Variants in FXR2 observed in about 807,000 individuals in gnomAD.
The protein encoded by FXR2 is RNA-binding protein FXR2.
Under a neutral mutation model 87.3 loss-of-function variants are expected in FXR2, and 9 were observed. The ratio of observed to expected loss-of-function variants is 0.10; its 90% CI spans 0.06 to 0.18. FXR2 has a LOEUF of 0.18. Among genes scored for constraint, FXR2 ranks in the 10% least tolerant of loss-of-function variants. The pLI, the probability that FXR2 is intolerant of heterozygous loss-of-function variation, is 1.00. For missense variants in FXR2, 661 were observed against 893.6 expected, an observed-to-expected ratio of 0.74 and a Z score of 3.32; for synonymous variants, 331 against 328.3, an observed-to-expected ratio of 1.01 and a Z score of -0.09.
chr17:7,614,167 T>C, intron 1 of FXR2: 1 of 644,658 alleles, frequency 1.6e-6, no homozygotes, highest in Admixed American at 2.1e-5. Context: ...TAAAGGGGTC[T>C]CTCCTGCGGA....
intron 7 of FXR2, among the ~76,000 whole-genome samples, chr17:7,597,429 T>G: frequency 6.6e-6 from 1 of 151,906 alleles, no homozygotes; most frequent in African/African-American, 2.4e-5. Flanking sequence ...GGGGAAGAGA[T>G]CTACAATGAC....
At chr17:7,610,921 T>C (rs1177029516) in intron 1 of FXR2, among the ~76,000 whole-genome samples, 4 of 152,094 alleles carry the variant, frequency 2.6e-5, no homozygotes, top group Non-Finnish European at 5.9e-5. Flanking sequence ...TTAGAAGATA[T>C]AAAATTGGTC....
In FXR2 at chr17:7,605,677, T is replaced by C; in HGVS notation, c.196A>G (p.Asn66Asp). 1.3e-6 allele frequency: 2 copies of C among 1,590,896 alleles called. No individual in the cohort carries two copies. The highest frequency in any genetic ancestry group is 2.2e-5 in the South Asian group (2 of 89,968). Reference sequence around the variant, plus strand: ...TCATCCCCTTCTGTGATCTCCTTATTATAGTCAGCTGGAGGTGGTAGCCGG... The same window carrying C: ...TCATCCCCTTCTGTGATCTCCTTATCATAGTCAGCTGGAGGTGGTAGCCGG... ...DVRLPPPADY[N>D]KEITEGDEVE... Residue 66 changes from asparagine to aspartate, a missense_variant, in exon 3 of 17, where the codon AAT becomes GAT. By Grantham distance (23) the Asn-to-Asp change is conservative. Around this residue, in one of 3 missense-constraint regions of FXR2, gnomAD observed 170 missense variants for 247.2 expected, o/e 0.69. Coordinates refer to ENST00000250113, the MANE Select transcript of FXR2 (RefSeq NM_004860.4).
Position 7,592,926 on chromosome 17 carries a change from G to A in FXR2, c.1529-32C>T. ...AGAGGAAGAAGAGGAGGAGTTGGCA[G>A]TCAGGTGCCCATCATCTTTCCTTTT... On this transcript the variant is annotated intron_variant, in intron 13 of 16. Transcript: ENST00000250113. This position sits in a 1 kb window ranked among gnomAD's most constrained non-coding sequence, Gnocchi z 4.8. 6.5e-7 allele frequency: 1 copy of A among 1,547,250 alleles called. No individual in the cohort carries two copies. The highest frequency in any genetic ancestry group is 8.7e-7 in the Non-Finnish European group (1 of 1,145,240).
At chr17:7,601,828 G>T (rs1239086473) in intron 6 of FXR2, among the ~76,000 whole-genome samples, 1 of 151,962 alleles carries the variant, frequency 6.6e-6, no homozygotes, top group Non-Finnish European at 1.5e-5. Flanking sequence ...TCCAGAGGCT[G>T]AGGCAGGAGA....
intron 7 of FXR2, among the ~76,000 whole-genome samples, chr17:7,598,414 CAAT>C (rs2071725542): frequency 6.6e-6 from 1 of 152,184 alleles, no homozygotes; most frequent in African/African-American, 2.4e-5. Flanking sequence ...GAGATCACGC[CAAT>C]GCACTCCAGC....
At chr17:7,600,770 G>C (rs1212209305) in intron 7 of FXR2, among the ~76,000 whole-genome samples, 2 of 152,190 alleles carry the variant, frequency 1.3e-5, no homozygotes, top group Admixed American at 1.3e-4. Context: ...TGTAGTCCCA[G>C]CTACTCAGGA....
At chr17:7,605,771 T>C in intron 2 of FXR2, 33 bp from the exon 3 acceptor site, 2 of 1,186,112 alleles carry the variant, frequency 1.7e-6, no homozygotes, top group Non-Finnish European at 2.5e-6. Flanking sequence ...AAAAAGCTAC[T>C]CTGACTGATA....
chr17:7,594,797 G>C lies in FXR2; in HGVS notation c.832-40C>G, dbSNP rs776541476. 3 of 1,250,202 alleles carry C rather than the reference G, an allele frequency of 2.4e-6. No homozygotes were observed. In the South Asian group the frequency reaches 3.6e-5, roughly 15 times the overall value. The allele number at this position is 1,250,202 out of a possible 1,614,324, so 77.4% of individuals were successfully genotyped here. ...GCAGGGAGTTGTTACTAAAACAGAA[G>C]ACCAGCTGGATGTGGTGGCTCACGC... On this transcript the variant is annotated intron_variant, in intron 8 of 16. Transcript: ENST00000250113. This position sits in a 1 kb window ranked among gnomAD's most constrained non-coding sequence, Gnocchi z 5.1.
Position 7,601,505 on chromosome 17 carries a change from C to T in FXR2, c.564G>A (p.Val188=). Residue 188 remains valine, a synonymous_variant, in exon 7 of 17, where the codon GTG becomes GTA. Coordinates refer to ENST00000250113, the MANE Select transcript of FXR2 (RefSeq NM_004860.4). ...TATCACCCAGCAGAGATGCTCGCTTCACAGGGGCTTCTGTGGTTGACTGGG... is the reference window on the plus strand; with the variant it reads ...TATCACCCAGCAGAGATGCTCGCTTTACAGGGGCTTCTGTGGTTGACTGGG... ...LFILSTTEAP[V]KRASLLGDMH... is the part of the protein sequence containing the mutation. 1 of 1,611,064 alleles carries T rather than the reference C, an allele frequency of 6.2e-7. No homozygotes were observed. The highest frequency in any genetic ancestry group is 8.5e-7 in the Non-Finnish European group (1 of 1,177,528).
In FXR2 at chr17:7,614,586, T is replaced by C. The variant is rs2071926090; in HGVS notation, c.-54A>G. The C allele has an allele frequency of 5.0e-6, 6 of 1,205,502 alleles. No individual in the cohort carries two copies. The highest frequency in any genetic ancestry group is 6.5e-6 in the Non-Finnish European group (6 of 918,268). The allele number at this position is 1,205,502 out of a possible 1,614,324, so 74.7% of individuals were successfully genotyped here. A position where few individuals can be genotyped will look rare whatever the true frequency, so the allele number is the denominator to read the frequency against. On this transcript the variant is annotated 5_prime_UTR_variant, in exon 1 of 17. Coordinates refer to ENST00000250113, the MANE Select transcript of FXR2 (RefSeq NM_004860.4). ...GCGGCGGCTGCAGCAGCAGTCTGAG[T>C]GCGGGCCGGGCCAGGCCCCCGGCGT...
In FXR2 at chr17:7,613,977, C is replaced by G. The variant is rs143393141; in HGVS notation, c.81+475G>C. The G allele has an allele frequency of 1.4e-3, 615 of 452,132 alleles. 4 individuals carry two copies. The highest frequency in any genetic ancestry group is 0.01 in the African/African-American group (505 of 50,064). The allele number at this position is 452,132 out of a possible 1,614,324, so 28.0% of individuals were successfully genotyped here. A position where few individuals can be genotyped will look rare whatever the true frequency, so the allele number is the denominator to read the frequency against. ...TGAAAGTGGGGTGAGTGTTCCAGAG[C>G]CAGTAGGCAGAGGCCTCTCTGAGGA... On this transcript the variant is annotated intron_variant, in intron 1 of 16. Transcript: ENST00000250113.
intron 1 of FXR2, among the ~76,000 whole-genome samples, chr17:7,608,616 C>T (rs76433669): frequency 1.5e-5 from 2 of 134,166 alleles, no homozygotes; most frequent in African/African-American, 5.8e-5. Flanking sequence ...AACTCTGCCT[C>T]AAAAAAAAAA....
At chr17:7,607,726 CT>C (rs1238908733) in intron 1 of FXR2, among the ~76,000 whole-genome samples, 2 of 152,028 alleles carry the variant, frequency 1.3e-5, no homozygotes, top group African/African-American at 4.8e-5. Context: ...TGTGCCCAGC[CT>C]ATGATCCATT....
intron 3 of FXR2, among the ~76,000 whole-genome samples, chr17:7,604,849 G>A (rs555571850): frequency 8.6e-5 from 13 of 150,822 alleles, no homozygotes; most frequent in African/African-American, 2.9e-4. Flanking sequence ...AGCCTCCCAA[G>A]TAGCTGGGAT....
In FXR2 at chr17:7,593,638, A is replaced by C; in HGVS notation, c.1108-13T>G. 3 of 1,530,522 alleles carry C rather than the reference A, an allele frequency of 2.0e-6. No homozygotes were observed. The South Asian group carries it at 3.5e-5, about 18-fold the overall frequency. The allele number at this position is 1,530,522 out of a possible 1,614,324, so 94.8% of individuals were successfully genotyped here. A position where few individuals can be genotyped will look rare whatever the true frequency, so the allele number is the denominator to read the frequency against. ...GCTGCTCTACCTCCTGGTTGGGTAA[A>C]AGATGGAAGAAGGGGAAGGAGAAAT... On this transcript the variant is annotated splice_polypyrimidine_tract_variant and intron_variant, in intron 11 of 16. Coordinates refer to ENST00000250113, the MANE Select transcript of FXR2 (RefSeq NM_004860.4). The surrounding 1 kb of genome is among the most constrained non-coding windows in gnomAD (Gnocchi z 6.1).
chr17:7,603,659 CA>C, intron 5 of FXR2, 97 bp downstream of exon 5: 1 of 1,191,546 alleles, frequency 8.4e-7, no homozygotes. Flanking sequence ...AGGGGAACAA[CA>C]GAGAAAACTG....
intron 1 of FXR2, chr17:7,614,169 T>TA: frequency 1.5e-6 from 1 of 647,418 alleles, no homozygotes. Flanking sequence ...AAGGGGTCTC[T>TA]CCTGCGGAGC....
At chr17:7,604,143 G>A in intron 3 of FXR2, 63 bp from the exon 4 acceptor site, 1 of 1,268,608 alleles carries the variant, frequency 7.9e-7, no homozygotes, top group Non-Finnish European at 1.1e-6. Context: ...AGAAAGGGAT[G>A]AGGAGGCCGG....
Sources: allele counts gnomAD v4.1 joint callset (sites outside exome capture counted in the v4.1 genomes callset), GRCh38; gene constraint gnomAD v4.1.1; regional missense constraint gnomAD v4.1.1; non-coding constraint Gnocchi (gnomAD v3.1); transcripts MANE v1.5; gene names NCBI Gene and HGNC (gene_info 2026-07-23, HGNC 2026-07-21).